PTPRK: variants seen among roughly 807,000 people sequenced by gnomAD.
PTPRK encodes protein tyrosine phosphatase receptor type K, also known as receptor-type tyrosine-protein phosphatase kappa.
In PTPRK, 75 loss-of-function variants were observed where a neutral mutation model predicts 178.0. The observed-to-expected ratio is 0.42, with a 90% CI of 0.35 to 0.51. PTPRK has a LOEUF of 0.51. Ranked by LOEUF, PTPRK falls within the 20% of genes least tolerant of loss-of-function variation. The probability of loss-of-function intolerance (pLI) is 0.02; values close to 1 mark genes in which losing one functional copy is unlikely to be tolerated. For missense variants in PTPRK, 1,441 were observed against 1,797.8 expected, an observed-to-expected ratio of 0.80 and a Z score of 3.59; for synonymous variants, 637 against 620.6, an observed-to-expected ratio of 1.03 and a Z score of -0.39.
At chr6:128,358,335 T>C (rs1345159187) in intron 2 of PTPRK, among the ~76,000 whole-genome samples, 2 of 152,296 alleles carry the variant, frequency 1.3e-5, no homozygotes, top group South Asian at 2.1e-4. Flanking sequence ...CCCTTCTACA[T>C]ACAGACCCTT....
intron 3 of PTPRK, among the ~76,000 whole-genome samples, chr6:128,253,012 T>C (rs1816725123): frequency 1.3e-5 from 2 of 152,184 alleles, no homozygotes; most frequent in Admixed American, 1.3e-4. Flanking sequence ...GTGGTGAAGC[T>C]GCCTGAGACT....
chr6:128,048,132 C>CT (rs1180214663), intron 13 of PTPRK, among the ~76,000 whole-genome samples: 14 of 152,150 alleles, frequency 9.2e-5, no homozygotes, highest in African/African-American at 3.1e-4. Context: ...ACATCTACGA[C>CT]GCTAAACCAA....
chr6:128,012,323 T>C (rs1171479441), intron 13 of PTPRK, among the ~76,000 whole-genome samples: 1 of 151,302 alleles, frequency 6.6e-6, no homozygotes, highest in Non-Finnish European at 1.5e-5. Flanking sequence ...TTAAAATCAT[T>C]CAAGCTTAGA....
chr6:128,283,450 A>G (rs1331598676), intron 3 of PTPRK, among the ~76,000 whole-genome samples: 2 of 152,192 alleles, frequency 1.3e-5, no homozygotes, highest in Non-Finnish European at 2.9e-5. Context: ...CTTCCTTCTC[A>G]TATCTCAGAA....
At chr6:128,057,752 G>C (rs1780142721) in intron 13 of PTPRK, among the ~76,000 whole-genome samples, 1 of 152,088 alleles carries the variant, frequency 6.6e-6, no homozygotes, top group African/African-American at 2.4e-5. Context: ...ACAACTCACA[G>C]GATGACTGAG....
Position 128,435,065 on chromosome 6 carries a change from G to C in PTPRK, c.101-37377C>G, listed in dbSNP as rs1332699895. Among the ~76,000 whole-genome samples, 79 of 91,218 alleles carry C rather than the reference G, an allele frequency of 8.7e-4. 3 individuals carry two copies. The highest frequency in any genetic ancestry group is 5.8e-3 in the African/African-American group (73 of 12,674). 59.8% of individuals were successfully genotyped at this position (91,218 alleles called of 152,430 possible). ...GGAAGGCAGGAAGGAAGGAAGGAAG[G>C]AAGGAAGGAAGGAAGGAAGGAAGGA... On this transcript the variant is annotated intron_variant, in intron 1 of 29. Transcript: ENST00000368226.
intron 1 of PTPRK, among the ~76,000 whole-genome samples, chr6:128,478,605 T>C (rs1220347139): frequency 6.6e-6 from 1 of 152,130 alleles, no homozygotes; most frequent in African/African-American, 2.4e-5. Flanking sequence ...TTCAAATACA[T>C]GTGAGTTTTG....
intron 7 of PTPRK, among the ~76,000 whole-genome samples, chr6:128,128,067 C>T (rs1793660202): frequency 6.6e-6 from 1 of 152,160 alleles, no homozygotes; most frequent in South Asian, 2.1e-4. Flanking sequence ...CTGCTATCAT[C>T]TAAAACCAAT....
intron 3 of PTPRK, among the ~76,000 whole-genome samples, chr6:128,281,599 T>A (rs943125303): frequency 6.6e-6 from 1 of 152,138 alleles, no homozygotes; most frequent in African/African-American, 2.4e-5. Context: ...AGGGACTGTA[T>A]ACATATTTTG....
chr6:128,463,347 A>T (rs1374532023), intron 1 of PTPRK, among the ~76,000 whole-genome samples: 2 of 152,054 alleles, frequency 1.3e-5, no homozygotes, highest in African/African-American at 4.8e-5. Context: ...TAGTGTTTGG[A>T]TCACCTGGCA....
At chr6:127,976,609 A>T in intron 27 of PTPRK, 48 bp downstream of exon 27, 1 of 1,605,932 alleles carries the variant, frequency 6.2e-7, no homozygotes, top group Admixed American at 1.7e-5. Flanking sequence ...CATCTTGGTT[A>T]TGACTGACCT....
At chr6:128,179,121 G>T (rs1478951759) in intron 7 of PTPRK, among the ~76,000 whole-genome samples, 7 of 151,894 alleles carry the variant, frequency 4.6e-5, no homozygotes, top group African/African-American at 9.7e-5. Context: ...TGTTTACGAG[G>T]AGGTAAAAAC....
intron 13 of PTPRK, among the ~76,000 whole-genome samples, chr6:128,028,993 T>C (rs1774810525): frequency 6.6e-6 from 1 of 152,142 alleles, no homozygotes; most frequent in African/African-American, 2.4e-5. Context: ...CAACTATCCA[T>C]CTTCCATGGT....
chr6:128,049,422 T>C (rs907505159), intron 13 of PTPRK, among the ~76,000 whole-genome samples: 1 of 152,172 alleles, frequency 6.6e-6, no homozygotes, highest in African/African-American at 2.4e-5. Context: ...TTCTTATCAA[T>C]GCCCGCTTGC....
intron 1 of PTPRK, among the ~76,000 whole-genome samples, chr6:128,438,968 A>G (rs1174902062): frequency 2.0e-5 from 3 of 152,244 alleles, no homozygotes; most frequent in African/African-American, 7.2e-5. Context: ...ATGGATCAGT[A>G]TTCCAATTAG....
chr6:128,018,377 T>C (rs1779850655), intron 13 of PTPRK, among the ~76,000 whole-genome samples: 1 of 152,110 alleles, frequency 6.6e-6, no homozygotes, highest in African/African-American at 2.4e-5. Flanking sequence ...TGAACTAATT[T>C]ATAAAATCTA....
rs549565622 is a variant in PTPRK, at chr6:128,047,917, G to C, written c.2194+16841C>G. 8.7e-3 allele frequency among the ~76,000 whole-genome samples: 1,325 copies of C among 152,034 alleles called. 43 individuals carry two copies. Among genetic ancestry groups the C allele is most frequent in the East Asian group, 0.052 (268 of 5,146 alleles). On this transcript the variant is annotated intron_variant, in intron 13 of 29. Coordinates refer to ENST00000368226, the MANE Select transcript of PTPRK (RefSeq NM_002844.4). ...ATCTGAGAACCTCATGGTTGTTAGG[G>C]CTCTGAGTTGGCTAATTTGTTTAGA... is the stretch of plus-strand genomic sequence containing the variant.
chr6:128,355,854 A>T lies in PTPRK; in HGVS notation c.224-33544T>A, dbSNP rs1029047203. Reference sequence around the variant, plus strand: ...AAGAAATTCTTTACCAAAGTTCCCAATTTTTCTACACATAAACATATTTTC... The same window carrying T: ...AAGAAATTCTTTACCAAAGTTCCCATTTTTTCTACACATAAACATATTTTC... On this transcript the variant is annotated intron_variant, in intron 2 of 29. Transcript: ENST00000368226. Among the ~76,000 whole-genome samples the T allele has an allele frequency of 2.0e-5, 3 of 152,160 alleles. No homozygotes were observed. In the East Asian group the frequency reaches 5.8e-4, roughly 29 times the overall value.
intron 27 of PTPRK, 60 bp downstream of exon 27, chr6:127,976,597 C>T: frequency 6.3e-7 from 1 of 1,588,482 alleles, no homozygotes; most frequent in Admixed American, 1.7e-5. Flanking sequence ...AAAATTATAC[C>T]ACATCTTGGT....
Sources: allele counts gnomAD v4.1 joint callset (sites outside exome capture counted in the v4.1 genomes callset), GRCh38; gene constraint gnomAD v4.1.1; transcripts MANE v1.5; gene names NCBI Gene and HGNC (gene_info 2026-07-23, HGNC 2026-07-21).